The following DPY19L3 variants were observed in gnomAD, a reference collection of about 807,000 sequenced individuals.
DPY19L3 encodes the protein dpy-19 like C-mannosyltransferase 3, also known as protein C-mannosyl-transferase DPY19L3.
Under a neutral mutation model 92.3 loss-of-function variants are expected in DPY19L3, and 51 were observed. That is an observed-to-expected ratio of 0.55 (90% CI 0.44 to 0.70). The LOEUF (loss-of-function observed/expected upper bound fraction) is 0.70, where lower values mean the gene tolerates loss of function less well. Among genes scored for constraint, DPY19L3 ranks in the 30% least tolerant of loss-of-function variants. The pLI is 0.00. For synonymous variants in DPY19L3, 309 were observed against 315.2 expected, an observed-to-expected ratio of 0.98 and a Z score of 0.21; for missense variants, 706 against 855.9, an observed-to-expected ratio of 0.82 and a Z score of 2.18.
At chr19:32,438,186 A>G (rs1568337779) in intron 6 of DPY19L3, among the ~76,000 whole-genome samples, 1 of 152,166 alleles carries the variant, frequency 6.6e-6, no homozygotes, top group Non-Finnish European at 1.5e-5. Context: ...CCAGTATTCA[A>G]TAGGAGTCTT....
chr19:32,459,729 A>G (rs1047007233), intron 12 of DPY19L3, among the ~76,000 whole-genome samples: 4 of 152,194 alleles, frequency 2.6e-5, no homozygotes, highest in African/African-American at 7.2e-5. Context: ...TCTATGAGCC[A>G]TCTCTGGAGG....
chr19:32,460,813 C>G (rs978288138), intron 12 of DPY19L3, among the ~76,000 whole-genome samples: 1 of 151,816 alleles, frequency 6.6e-6, no homozygotes, highest in African/African-American at 2.4e-5. Flanking sequence ...GTATTTCTAC[C>G]TTTTTAGTAC....
chr19:32,462,527 T>G (rs112648846), intron 12 of DPY19L3, among the ~76,000 whole-genome samples: 32 of 152,210 alleles, frequency 2.1e-4, no homozygotes, highest in African/African-American at 7.5e-4. Flanking sequence ...AAAATGAACT[T>G]GTGTCTGATA....
rs908329329 is a variant in DPY19L3, at chr19:32,467,705, A to G, written c.1615-1026A>G. 1.1e-5 allele frequency: 11 copies of G among 987,392 alleles called. No homozygotes were observed. The Admixed American group carries it at 6.1e-4, about 55-fold the overall frequency. 61.2% of individuals were successfully genotyped at this position (987,392 alleles called of 1,614,324 possible). On this transcript the variant is annotated intron_variant, in intron 15 of 18. Coordinates refer to ENST00000392250, the MANE Select transcript of DPY19L3 (RefSeq NM_001172774.2). ...GTCAGTGGAGCATACATACATTGTC[A>G]TTGGTCTTCTATGCTAATATGTGAA... is the stretch of plus-strand genomic sequence containing the variant.
chr19:32,472,615 G>A (rs568599755), intron 16 of DPY19L3, among the ~76,000 whole-genome samples: 219 of 151,170 alleles, frequency 1.4e-3, no homozygotes, highest in African/African-American at 5.2e-3. Flanking sequence ...CAATTAGAAA[G>A]CACGTTTACC....
chr19:32,434,067 AT>A (rs1052742519), intron 4 of DPY19L3, among the ~76,000 whole-genome samples: 57 of 152,226 alleles, frequency 3.7e-4, no homozygotes, highest in African/African-American at 1.3e-3. Flanking sequence ...CTTAGTATTC[AT>A]TTTTTCCCCA....
In DPY19L3 at chr19:32,482,535, A is replaced by C; in HGVS notation, c.*295A>C. ...AGAGAATGATGTGTGTTCCATGGAT[A>C]CCTGGATAGGCACATAACATGTTGG... is the stretch of plus-strand genomic sequence containing the variant. On this transcript the variant is annotated 3_prime_UTR_variant, in exon 19 of 19. Transcript: ENST00000392250. The C allele has an allele frequency of 3.7e-6, 1 of 268,428 alleles. No individual in the cohort carries two copies. The allele number at this position is 268,428 out of a possible 1,614,324, so 16.6% of individuals were successfully genotyped here.
chr19:32,436,338 A>G (rs866019880), intron 4 of DPY19L3, 108 bp from the exon 5 acceptor site: 4 of 786,142 alleles, frequency 5.1e-6, no homozygotes, highest in South Asian at 8.7e-5. Flanking sequence ...TATATCCCCA[A>G]TGCCTACCAC....
intron 16 of DPY19L3, among the ~76,000 whole-genome samples, chr19:32,469,493 CTAAAAAAAAAA>C (rs1568358397): frequency 1.4e-5 from 2 of 144,624 alleles, no homozygotes; most frequent in Non-Finnish European, 1.5e-5. Flanking sequence ...AAGACTCTCT[CTAAAAAAAAAA>C]AAAAAGAAAG....
At chr19:32,476,143 C>T (rs758501959) in intron 16 of DPY19L3, among the ~76,000 whole-genome samples, 3 of 152,104 alleles carry the variant, frequency 2.0e-5, no homozygotes, top group African/African-American at 7.2e-5. Context: ...ATGGCATTCA[C>T]GCTGGAGTCT....
chr19:32,441,243 A>G (rs1599629138), intron 8 of DPY19L3, among the ~76,000 whole-genome samples: 1 of 152,326 alleles, frequency 6.6e-6, no homozygotes, highest in Non-Finnish European at 1.5e-5. Flanking sequence ...AAAGAAATAA[A>G]AAACTGGAAA....
intron 18 of DPY19L3, chr19:32,480,962 C>CGA (rs1254278666): frequency 4.8e-6 from 2 of 412,438 alleles, no homozygotes; most frequent in Non-Finnish European, 8.5e-6. Context: ...TCCTGCCCTC[C>CGA]GGTCTAGGTG....
At chr19:32,434,524 T>G (rs993782145) in intron 4 of DPY19L3, among the ~76,000 whole-genome samples, 6 of 152,152 alleles carry the variant, frequency 3.9e-5, no homozygotes, top group Non-Finnish European at 8.8e-5. Flanking sequence ...CCGGGCGTAG[T>G]GGCGCATGCC....
chr19:32,421,669 AG>A (rs1321638102), intron 3 of DPY19L3, among the ~76,000 whole-genome samples: 3 of 148,218 alleles, frequency 2.0e-5, no homozygotes, highest in African/African-American at 7.4e-5. Flanking sequence ...TGTAAGCTGC[AG>A]GGGTCAGATA....
intron 8 of DPY19L3, among the ~76,000 whole-genome samples, chr19:32,450,189 C>T (rs968902102): frequency 6.6e-6 from 1 of 152,106 alleles, no homozygotes; most frequent in African/African-American, 2.4e-5. Flanking sequence ...CAAGCAGATA[C>T]CACTTTACAC....
chr19:32,466,763 A>G (rs1840538973), intron 15 of DPY19L3, among the ~76,000 whole-genome samples: 1 of 152,270 alleles, frequency 6.6e-6, no homozygotes, highest in Non-Finnish European at 1.5e-5. Flanking sequence ...CTCTTGATAC[A>G]GGAGTTTAGG....
intron 16 of DPY19L3, among the ~76,000 whole-genome samples, chr19:32,472,102 T>C (rs923770850): frequency 6.6e-6 from 1 of 152,158 alleles, no homozygotes. Flanking sequence ...CACCCTCGAC[T>C]CCATTTTAAG....
intron 14 of DPY19L3, among the ~76,000 whole-genome samples, 183 bp from the exon 15 acceptor site, chr19:32,464,545 T>G (rs1337270819): frequency 6.6e-6 from 1 of 152,090 alleles, no homozygotes; most frequent in African/African-American, 2.4e-5. Context: ...AAGGCAGAAG[T>G]GTTTAAAAAA....
chr19:32,414,314 G>C (rs1461346954), intron 3 of DPY19L3, among the ~76,000 whole-genome samples: 1 of 151,898 alleles, frequency 6.6e-6, no homozygotes, highest in Non-Finnish European at 1.5e-5. Context: ...CCAGCTACTC[G>C]GGAGGCTGAG....
Sources: gnomAD v4.1 joint callset for allele counts (sites outside exome capture counted in the v4.1 genomes callset) on GRCh38, gnomAD v4.1.1 for gene constraint, MANE v1.5 for transcripts, NCBI Gene and HGNC (gene_info 2026-07-23, HGNC 2026-07-21) for gene names.